Variants in UNC80 observed in about 807,000 individuals in gnomAD.
UNC80 encodes unc-80 subunit of NALCN channel complex.
A neutral mutation model predicts 384.6 loss-of-function variants in UNC80; 164 were observed. That is an observed-to-expected ratio of 0.43 (90% CI 0.38 to 0.49). UNC80 has a LOEUF of 0.49. Among genes scored for constraint, UNC80 ranks in the 20% least tolerant of loss-of-function variants. The pLI, the probability that UNC80 is intolerant of heterozygous loss-of-function variation, is 0.00. For missense variants in UNC80, 3,330 were observed against 4,143.0 expected (o/e 0.80, Z 5.39); for synonymous variants, 1,486 against 1,527.8 (o/e 0.97, Z 0.64).
intron 38 of UNC80, among the ~76,000 whole-genome samples, chr2:209,931,910 C>A (rs1207597723): frequency 6.6e-6 from 1 of 152,156 alleles, no homozygotes; most frequent in Non-Finnish European, 1.5e-5. Flanking sequence ...TTCAGTCTCT[C>A]TTGGATAAAA....
chr2:209,998,721 A>C lies in UNC80; in HGVS notation c.*3126A>C, dbSNP rs908186196. 3 of 152,244 alleles carry C rather than the reference A, an allele frequency of 2.0e-5. No individual in the cohort carries two copies. The highest frequency in any genetic ancestry group is 7.2e-5 in the African/African-American group (3 of 41,458). 9.4% of individuals were successfully genotyped at this position (152,244 alleles called of 1,614,324 possible). ...AATAGAAGTACAGTCTGAAACATGA[A>C]TTAAATATCCTTCCTCAAGTTATAA... is the stretch of plus-strand genomic sequence containing the variant. On this transcript the variant is annotated 3_prime_UTR_variant, in exon 65 of 65. Coordinates refer to ENST00000673920, the MANE Select transcript of UNC80 (RefSeq NM_001371986.1).
intron 52 of UNC80, 69 bp downstream of exon 52, chr2:209,967,706 T>A (rs1474720507): frequency 1.4e-6 from 2 of 1,475,428 alleles, no homozygotes; most frequent in Non-Finnish European, 1.8e-6. Flanking sequence ...TTTTTTAAGA[T>A]GGTGGATCAT....
chr2:209,942,002 G>A (rs1330451481), intron 44 of UNC80, among the ~76,000 whole-genome samples: 1 of 152,202 alleles, frequency 6.6e-6, no homozygotes, highest in Non-Finnish European at 1.5e-5. Flanking sequence ...GGGCCCAGTA[G>A]TTTGTGTTTT....
intron 16 of UNC80, among the ~76,000 whole-genome samples, chr2:209,833,216 T>G (rs1261856666): frequency 1.3e-5 from 2 of 148,694 alleles, no homozygotes; most frequent in African/African-American, 5.0e-5. Flanking sequence ...AAACCAAAAC[T>G]ATGAAGGTAA....
At chr2:209,891,548 T>C (rs940405604) in intron 26 of UNC80, among the ~76,000 whole-genome samples, 4 of 152,136 alleles carry the variant, frequency 2.6e-5, no homozygotes, top group African/African-American at 9.6e-5. Flanking sequence ...TACACCATTT[T>C]ATAAAATAAA....
Position 209,773,130 on chromosome 2 carries a change from A to C in UNC80, c.129A>C (p.Glu43Asp). The change falls in exon 2 of 65, where the codon GAA becomes GAC. Residue 43 changes from glutamate (E) to aspartate (D), a missense_variant. By Grantham distance (45) the Glu-to-Asp change is conservative. Transcript: ENST00000673920. ...FLRPKLGKQYEASCVSFERVL... is the reference protein window; with the variant it reads ...FLRPKLGKQYDASCVSFERVL... Reference sequence around the variant, plus strand: ...GGCCCAAACTGGGGAAGCAATATGAAGCTTCTTGTGTGGTATGTGATTTTC... The same window carrying C: ...GGCCCAAACTGGGGAAGCAATATGACGCTTCTTGTGTGGTATGTGATTTTC... The C allele has an allele frequency of 6.2e-7, 1 of 1,613,546 alleles. No individual in the cohort carries two copies. Among genetic ancestry groups the C allele is most frequent in the East Asian group, 2.2e-5 (1 of 44,858 alleles).
intron 22 of UNC80, among the ~76,000 whole-genome samples, chr2:209,866,057 C>T (rs370148860): frequency 7.5e-6 from 1 of 133,706 alleles, no homozygotes; most frequent in Admixed American, 6.9e-5. Flanking sequence ...TTTACTAAAA[C>T]GTTCTTAGCA....
intron 29 of UNC80, among the ~76,000 whole-genome samples, chr2:209,909,598 T>C (rs1212211666): frequency 6.6e-6 from 1 of 152,216 alleles, no homozygotes; most frequent in Admixed American, 6.5e-5. Context: ...ACTGTTTCTC[T>C]TAATTCCCTA....
chr2:209,831,155 A>C (rs1382911633), intron 15 of UNC80, among the ~76,000 whole-genome samples: 1 of 151,986 alleles, frequency 6.6e-6, no homozygotes, highest in African/African-American at 2.4e-5. Context: ...TAAGCCTAAA[A>C]ATCTTTCCTA....
chr2:209,789,995 A>T (rs1004686910), intron 6 of UNC80, among the ~76,000 whole-genome samples: 3 of 152,102 alleles, frequency 2.0e-5, no homozygotes, highest in South Asian at 4.1e-4. Flanking sequence ...ACTCTAATGT[A>T]GGTAGAATAA....
intron 7 of UNC80, among the ~76,000 whole-genome samples, chr2:209,812,490 T>C (rs2153827205): frequency 6.6e-6 from 1 of 152,298 alleles, no homozygotes; most frequent in East Asian, 1.9e-4. Flanking sequence ...GGAAAATCCC[T>C]ACTCACTCTC....
chr2:209,785,808 G>T (rs1022776452), intron 4 of UNC80, among the ~76,000 whole-genome samples: 8 of 152,198 alleles, frequency 5.3e-5, no homozygotes, highest in African/African-American at 1.7e-4. Flanking sequence ...TGTATCCCAT[G>T]CTTTGCCCAA....
intron 7 of UNC80, chr2:209,809,609 C>A: frequency 1.4e-6 from 1 of 692,064 alleles, no homozygotes; most frequent in Non-Finnish European, 2.5e-6. Flanking sequence ...CCTCTCCCTA[C>A]CAGACACCCT....
In UNC80 at chr2:209,883,499, C is replaced by T. The variant is rs1246804886; in HGVS notation, c.4110+2405C>T. On this transcript the variant is annotated intron_variant, in intron 25 of 64. Transcript: ENST00000673920. ...AGGCTGGAGTGCAGTGGTATAATCT[C>T]GGCTCACTGCAAGCTCTGCCTCCCA... 2.1e-5 allele frequency among the ~76,000 whole-genome samples: 3 copies of T among 140,386 alleles called. No individual in the cohort carries two copies. In the South Asian group the frequency reaches 6.8e-4, roughly 32 times the overall value. 92.1% of individuals were successfully genotyped at this position (140,386 alleles called of 152,430 possible). A position where few individuals can be genotyped will look rare whatever the true frequency, so the allele number is the denominator to read the frequency against.
At chr2:209,772,841 A>G (rs1443482216) in intron 1 of UNC80, among the ~76,000 whole-genome samples, 7 of 152,164 alleles carry the variant, frequency 4.6e-5, no homozygotes, top group Non-Finnish European at 8.8e-5. Context: ...TGGCGATTTA[A>G]AATCTTAGAA....
intron 47 of UNC80, among the ~76,000 whole-genome samples, chr2:209,953,322 G>A (rs2124993201): frequency 1.3e-5 from 2 of 149,852 alleles, no homozygotes; most frequent in African/African-American, 4.9e-5. Flanking sequence ...GGAGGCTGAG[G>A]TAGGAGAATC....
At chr2:209,899,662 T>G (rs941871622) in intron 28 of UNC80, among the ~76,000 whole-genome samples, 5 of 147,342 alleles carry the variant, frequency 3.4e-5, no homozygotes, top group Non-Finnish European at 5.9e-5. Context: ...ACACACACCT[T>G]TTAATATGAA....
At chr2:209,808,689 G>A (rs139590653) in intron 7 of UNC80, 107 of 105,950 alleles carry the variant, frequency 1.0e-3, no homozygotes, top group Non-Finnish European at 1.8e-3. Context: ...TGCTCCCCTG[G>A]AGTACTTAAG....
At chr2:209,845,665 A>G (rs2082116530) in intron 21 of UNC80, among the ~76,000 whole-genome samples, 1 of 152,198 alleles carries the variant, frequency 6.6e-6, no homozygotes, top group African/African-American at 2.4e-5. Context: ...TGAGATTGTT[A>G]TCTGGAATAT....
Sources: gnomAD v4.1 joint callset for allele counts (sites outside exome capture counted in the v4.1 genomes callset) on GRCh38, gnomAD v4.1.1 for gene constraint, MANE v1.5 for transcripts, NCBI Gene and HGNC (gene_info 2026-07-23, HGNC 2026-07-21) for gene names.